Variants in KCNN3 observed in about 807,000 individuals in gnomAD.
KCNN3 encodes potassium calcium-activated channel subfamily N member 3.
In KCNN3, 16 loss-of-function variants were observed where a neutral mutation model predicts 62.9. The ratio of observed to expected loss-of-function variants is 0.25; its 90% CI spans 0.17 to 0.39. KCNN3 has a LOEUF of 0.39. KCNN3 is among the 10% of genes least tolerant of loss of function. The pLI is 1.00. For missense variants in KCNN3, 599 were observed against 949.4 expected (o/e 0.63, Z 4.85); for synonymous variants, 370 against 389.2 (o/e 0.95, Z 0.58).
chr1:154,825,364 ATT>A (rs56768657), intron 1 of KCNN3, among the ~76,000 whole-genome samples: 4,112 of 118,208 alleles, frequency 0.035, 172 homozygotes, highest in East Asian at 0.23. Flanking sequence ...GATGAGAATC[ATT>A]TTTTTTTTTT....
At position 154,698,373 on chromosome 1, in the gene KCNN3, T is replaced by C. The variant is rs986436366; in HGVS notation, c.*9603A>G. ...CAGCTGGAGAGATCTGTTGTCTTTC[T>C]GGTCACCTCTGACATTTTGCAGTGT... is the stretch of plus-strand genomic sequence containing the variant. On this transcript the variant is annotated 3_prime_UTR_variant, in exon 8 of 8. Transcript: ENST00000271915. 5.3e-5 allele frequency: 8 copies of C among 152,228 alleles called. No individual in the cohort carries two copies. The highest frequency in any genetic ancestry group is 1.9e-4 in the African/African-American group (8 of 41,456). The allele number at this position is 152,228 out of a possible 1,614,324, so 9.4% of individuals were successfully genotyped here.
chr1:154,722,969 A>G (rs559933250), intron 5 of KCNN3, among the ~76,000 whole-genome samples: 4 of 151,754 alleles, frequency 2.6e-5, no homozygotes, highest in African/African-American at 7.3e-5. Flanking sequence ...TGACCTCATG[A>G]TCCACCCACC....
chr1:154,832,001 T>C (rs1041699027), intron 1 of KCNN3, among the ~76,000 whole-genome samples: 2 of 151,982 alleles, frequency 1.3e-5, no homozygotes, highest in Non-Finnish European at 2.9e-5. Context: ...GAGAAAACTT[T>C]AGAACCCAGG....
intron 7 of KCNN3, among the ~76,000 whole-genome samples, chr1:154,710,123 C>T (rs1181621635): frequency 6.6e-6 from 1 of 152,152 alleles, no homozygotes; most frequent in Non-Finnish European, 1.5e-5. Context: ...CCAAGCCCTC[C>T]CAGCTCTGCC....
chr1:154,815,461 C>G (rs1650625150), intron 2 of KCNN3, among the ~76,000 whole-genome samples: 1 of 152,200 alleles, frequency 6.6e-6, no homozygotes, highest in Non-Finnish European at 1.5e-5. Flanking sequence ...ATGCATCACT[C>G]CCTCCTCCGT....
intron 3 of KCNN3, among the ~76,000 whole-genome samples, chr1:154,761,477 T>C (rs1246373497): frequency 1.3e-5 from 2 of 151,332 alleles, no homozygotes; most frequent in East Asian, 3.9e-4. Flanking sequence ...CATAAATAAA[T>C]AAATATTACA....
intron 3 of KCNN3, among the ~76,000 whole-genome samples, chr1:154,756,984 C>T (rs778538075): frequency 2.2e-4 from 34 of 152,232 alleles, no homozygotes; most frequent in South Asian, 8.3e-4. Context: ...CAGAGAGAGG[C>T]GTGGCTCAAT....
intron 1 of KCNN3, among the ~76,000 whole-genome samples, chr1:154,834,596 G>A (rs1221054306): frequency 6.6e-6 from 1 of 152,162 alleles, no homozygotes; most frequent in East Asian, 1.9e-4. Flanking sequence ...CCCTACAGGT[G>A]TTGCCTCTAG....
rs185801978 is a variant in KCNN3 at position 154,790,906 on chromosome 1, A to G, written c.1030-18513T>C. On this transcript the variant is annotated intron_variant, in intron 2 of 7. Coordinates refer to ENST00000271915, the MANE Select transcript of KCNN3 (RefSeq NM_002249.6). ...TGTTTGCACATCAATATGAGTAAAC[A>G]TAACATCACTGAACTATATACTTAA... Among the ~76,000 whole-genome samples the G allele has an allele frequency of 4.1e-3, 621 of 152,348 alleles. 4 individuals are homozygous for G. The highest frequency in any genetic ancestry group is 0.014 in the African/African-American group (562 of 41,582).
rs1474256642 is a variant in KCNN3, at chr1:154,772,065, G to A, written c.1358C>T (p.Thr453Met). ...AGTGCCAGGGCAGATGGTCATGAGC[G>A]TCTTCATGACAAAGCGGGTGTTGAA... ...INFNTRFVMKTLMTICPGTVL... is the reference protein window; with the variant it reads ...INFNTRFVMKMLMTICPGTVL... The change falls in exon 3 of 8, where the codon ACG becomes ATG. Residue 453 changes from threonine to methionine, a missense_variant. Around this residue, in one of 7 missense-constraint regions of KCNN3, gnomAD observed 288 missense variants for 557.4 expected, o/e 0.52. Transcript: ENST00000271915. This position sits in a 1 kb window ranked among gnomAD's most constrained non-coding sequence, Gnocchi z 5.6. 1 of 1,614,112 alleles carries A rather than the reference G, an allele frequency of 6.2e-7. No individual in the cohort carries two copies. Among genetic ancestry groups the A allele is most frequent in the South Asian group, 1.1e-5 (1 of 91,086 alleles).
intron 3 of KCNN3, among the ~76,000 whole-genome samples, chr1:154,759,832 A>G (rs1553611): frequency 0.83 from 125,705 of 152,176 alleles, 52,344 homozygotes; most frequent in Middle Eastern, 0.91. Flanking sequence ...TAATTTGGGG[A>G]TTGACTTGAC....
intron 1 of KCNN3, among the ~76,000 whole-genome samples, chr1:154,857,448 C>T (rs1176586398): frequency 6.6e-6 from 1 of 151,632 alleles, no homozygotes; most frequent in Non-Finnish European, 1.5e-5. Flanking sequence ...ACCCTTACCC[C>T]ACTCCATGAG....
chr1:154,741,219 A>C (rs1378746541), intron 3 of KCNN3, among the ~76,000 whole-genome samples: 2 of 152,154 alleles, frequency 1.3e-5, no homozygotes, highest in African/African-American at 4.8e-5. Flanking sequence ...CCTTTCTCCT[A>C]CTAGCTTTCA....
intron 5 of KCNN3, among the ~76,000 whole-genome samples, chr1:154,718,466 T>G (rs1259841054): frequency 2.0e-5 from 3 of 152,280 alleles, no homozygotes; most frequent in Admixed American, 6.5e-5. Flanking sequence ...ATGTCTGCAC[T>G]GGTTCATTAA....
chr1:154,778,401 T>G (rs10908439), intron 2 of KCNN3, among the ~76,000 whole-genome samples: 51,447 of 152,018 alleles, frequency 0.34, 9,094 homozygotes, highest in Middle Eastern at 0.51. Context: ...GCAAAAGACA[T>G]GCATGATTAG....
chr1:154,778,162 C>T (rs10908438), intron 2 of KCNN3, among the ~76,000 whole-genome samples: 2 of 151,888 alleles, frequency 1.3e-5, no homozygotes, highest in East Asian at 1.9e-4. Context: ...GAGAACTTGC[C>T]GGATTTTCAG....
At chr1:154,850,925 G>A (rs1652275247) in intron 1 of KCNN3, among the ~76,000 whole-genome samples, 2 of 152,166 alleles carry the variant, frequency 1.3e-5, no homozygotes, top group Admixed American at 1.3e-4. Context: ...CCTTCAGGGA[G>A]TCAACACCCA....
In KCNN3 at chr1:154,698,235, T is replaced by C. The variant is rs1311883202; in HGVS notation, c.*9741A>G. On this transcript the variant is annotated 3_prime_UTR_variant, in exon 8 of 8. Transcript: ENST00000271915. ...TTACCTAGAACTACAGAAAAATTTA[T>C]GGGAAGGAAAGTAAGGGTACAGGGT... The C allele has an allele frequency of 6.6e-6, 1 of 152,188 alleles. No individual in the cohort carries two copies. The highest frequency in any genetic ancestry group is 1.5e-5 in the Non-Finnish European group (1 of 68,026). The allele number at this position is 152,188 out of a possible 1,614,324, so 9.4% of individuals were successfully genotyped here. A position where few individuals can be genotyped will look rare whatever the true frequency, so the allele number is the denominator to read the frequency against.
intron 3 of KCNN3, among the ~76,000 whole-genome samples, chr1:154,768,513 T>C (rs1233140757): frequency 2.6e-5 from 4 of 152,224 alleles, no homozygotes; most frequent in Non-Finnish European, 5.9e-5. Context: ...AGTTCCCGGA[T>C]GCAGTGGTAA....
Sources: gnomAD v4.1 joint callset for allele counts (sites outside exome capture counted in the v4.1 genomes callset) on GRCh38, gnomAD v4.1.1 for gene constraint, gnomAD v4.1.1 regional missense constraint, Gnocchi (gnomAD v3.1) non-coding constraint, MANE v1.5 for transcripts, NCBI Gene and HGNC (gene_info 2026-07-23, HGNC 2026-07-21) for gene names.